The following RNASEH2B variants were observed in gnomAD, a reference collection of about 807,000 sequenced individuals.
RNASEH2B encodes Aicardi-Goutieres syndrome 2 protein.
RNASEH2B carries 36 observed loss-of-function variants against 45.0 expected under a neutral mutation model. The observed-to-expected ratio is 0.80, with a 90% confidence interval of 0.61 to 1.06. The LOEUF is 1.06. Ranked by LOEUF, RNASEH2B falls within the 50% of genes least tolerant of loss-of-function variation. The pLI, the probability that RNASEH2B is intolerant of heterozygous loss-of-function variation, is 0.00. For synonymous variants in RNASEH2B, 119 were observed against 125.7 expected (o/e 0.95, Z 0.35); for missense variants, 361 against 360.3 (o/e 1.00, Z -0.02).
chr13:50,942,911 T>G (rs1190818068), intron 5 of RNASEH2B: 1 of 165,612 alleles, frequency 6.0e-6, no homozygotes, highest in Admixed American at 6.2e-5. Flanking sequence ...ATTCTTTTGA[T>G]CAGCCTTCCA....
chr13:50,910,063 A>G lies in RNASEH2B; in HGVS notation c.-14A>G. On this transcript the variant is annotated 5_prime_UTR_variant, in exon 1 of 11. Coordinates refer to ENST00000336617, the MANE Select transcript of RNASEH2B (RefSeq NM_024570.4). ...CGGCGCTGAGCCTGCGGCGCCCCGG[A>G]AGAGGCGGGCGGCATGGCCGCTGGC... 2.7e-6 allele frequency: 4 copies of G among 1,461,450 alleles called. No homozygotes were observed. The highest frequency in any genetic ancestry group is 3.6e-6 in the Non-Finnish European group (4 of 1,111,620). The allele number at this position is 1,461,450 out of a possible 1,614,324, so 90.5% of individuals were successfully genotyped here. A position where few individuals can be genotyped will look rare whatever the true frequency, so the allele number is the denominator to read the frequency against.
chr13:50,949,415 TTGTC>T, intron 8 of RNASEH2B, 44 bp from the exon 9 acceptor site: 4 of 1,582,046 alleles, frequency 2.5e-6, no homozygotes, highest in Admixed American at 1.7e-5. Flanking sequence ...TTCTGTTTGT[TTGTC>T]TATGAAAAAC....
At chr13:50,954,064 G>T in intron 10 of RNASEH2B, 79 bp downstream of exon 10, 1 of 858,970 alleles carries the variant, frequency 1.2e-6, no homozygotes, top group African/African-American at 1.7e-5. Context: ...ACAGTTGCAC[G>T]CTTGATTGTG....
chr13:50,960,090 G>T (rs367607524), downstream of RNASEH2B: 25 of 692,258 alleles, frequency 3.6e-5, no homozygotes, highest in Middle Eastern at 4.6e-4. Context: ...ACATATCTTT[G>T]TATGAGTATG....
chr13:50,927,888 G>T (rs185870053), intron 2 of RNASEH2B, among the ~76,000 whole-genome samples: 2 of 151,498 alleles, frequency 1.3e-5, no homozygotes, highest in African/African-American at 4.8e-5. Context: ...AAAACAGAAG[G>T]CTTTTACTTG....
At chr13:50,927,212 T>G (rs1347508365) in intron 1 of RNASEH2B, 195 bp from the exon 2 acceptor site, 3 of 506,330 alleles carry the variant, frequency 5.9e-6, no homozygotes, top group African/African-American at 5.8e-5. Context: ...GCAATACATT[T>G]AAACTACCTG....
At chr13:50,936,002 G>A (rs1033428826) in intron 5 of RNASEH2B, 1 of 152,356 alleles carries the variant, frequency 6.6e-6, no homozygotes, top group South Asian at 2.1e-4. Context: ...ACTGCATCTG[G>A]TTGTTGGGTG....
intron 7 of RNASEH2B, among the ~76,000 whole-genome samples, chr13:50,947,386 A>AGTGTGT (rs34501133): frequency 0.013 from 1,944 of 145,954 alleles, 22 homozygotes; most frequent in African/African-American, 0.025. Flanking sequence ...TTAGTTTGGG[A>AGTGTGT]GTGTGTGTGT....
intron 7 of RNASEH2B, among the ~76,000 whole-genome samples, chr13:50,947,661 A>T (rs1252111314): frequency 6.6e-6 from 1 of 151,968 alleles, no homozygotes; most frequent in South Asian, 2.1e-4. Flanking sequence ...TTTAAACTTT[A>T]TTTGTATTCA....
chr13:50,935,101 C>G (rs1261721521), intron 5 of RNASEH2B, 102 bp downstream of exon 5: 1 of 754,406 alleles, frequency 1.3e-6, no homozygotes, highest in African/African-American at 1.7e-5. Flanking sequence ...ATTCTGTGTC[C>G]ACCATAGGGA....
chr13:50,950,789 G>C (rs1330661351), intron 9 of RNASEH2B: 2 of 152,140 alleles, frequency 1.3e-5, no homozygotes, highest in African/African-American at 4.8e-5. Context: ...GGAGTAATAT[G>C]TTTCATAACT....
intron 1 of RNASEH2B, among the ~76,000 whole-genome samples, chr13:50,916,196 A>C (rs975351345): frequency 1.3e-4 from 20 of 152,144 alleles, no homozygotes; most frequent in African/African-American, 4.8e-4. Flanking sequence ...TTACAAAATG[A>C]ATTCCAATCT....
At chr13:50,930,579 C>A (rs1951666037) in intron 3 of RNASEH2B, 104 bp from the exon 4 acceptor site, 2 of 860,374 alleles carry the variant, frequency 2.3e-6, no homozygotes, top group East Asian at 2.4e-5. Context: ...TTTGGAATTT[C>A]ACATATATTT....
intron 5 of RNASEH2B, 182 bp downstream of exon 5, chr13:50,935,181 G>A (rs1277552349): frequency 6.6e-6 from 4 of 605,510 alleles, no homozygotes; most frequent in Non-Finnish European, 1.2e-5. Context: ...TTAGTCTTTG[G>A]AACTACAACC....
At chr13:50,916,732 T>G (rs990908619) in intron 1 of RNASEH2B, among the ~76,000 whole-genome samples, 10 of 152,206 alleles carry the variant, frequency 6.6e-5, no homozygotes, top group African/African-American at 1.9e-4. Context: ...CTGGTTTGAA[T>G]AGCCTGTGAG....
intron 5 of RNASEH2B, chr13:50,935,720 A>G (rs1951742286): frequency 6.5e-6 from 1 of 153,046 alleles, no homozygotes; most frequent in Non-Finnish European, 1.5e-5. Flanking sequence ...AGTTCAAAGT[A>G]TAGGATTCTG....
chr13:50,949,430 G>C (rs746773572), intron 8 of RNASEH2B, 33 bp from the exon 9 acceptor site: 1 of 1,607,466 alleles, frequency 6.2e-7, no homozygotes. Context: ...TATGAAAAAC[G>C]ATGACTTTGA....
At position 50,910,127 on chromosome 13, in the gene RNASEH2B, G is replaced by A. The variant is rs764223334; in HGVS notation, c.51G>A (p.Val17=). Reference sequence around the variant, plus strand: ...ACGGGGTTGGCGCCCGGCAGCACGTGTTCCTGGTTTCAGGTAAACACGCGC... The same window carrying A: ...ACGGGGTTGGCGCCCGGCAGCACGTATTCCTGGTTTCAGGTAAACACGCGC... ...CGDGVGARQH[V]FLVSEYLKDA... Residue 17 remains valine (V), a synonymous_variant, in exon 1 of 11, where the codon GTG becomes GTA. Transcript: ENST00000336617. 3 of 1,459,198 alleles carry A rather than the reference G, an allele frequency of 2.1e-6. No homozygotes were observed. Among genetic ancestry groups the A allele is most frequent in the South Asian group, 1.4e-5 (1 of 73,582 alleles). The allele number at this position is 1,459,198 out of a possible 1,614,324, so 90.4% of individuals were successfully genotyped here. A position where few individuals can be genotyped will look rare whatever the true frequency, so the allele number is the denominator to read the frequency against.
downstream of RNASEH2B, chr13:50,959,993 T>A (rs1952094665): frequency 8.4e-6 from 3 of 357,800 alleles, no homozygotes; most frequent in Admixed American, 4.7e-5. Context: ...ATATTCTTAT[T>A]TGGGAATATA....
Sources: allele counts gnomAD v4.1 joint callset (sites outside exome capture counted in the v4.1 genomes callset), GRCh38; gene constraint gnomAD v4.1.1; transcripts MANE v1.5; gene names NCBI Gene and HGNC (gene_info 2026-07-23, HGNC 2026-07-21).